PRR16: variants seen among roughly 807,000 people sequenced by gnomAD.
PRR16 encodes the protein protein Largen.
PRR16 carries 6 observed loss-of-function variants against 18.2 expected under a neutral mutation model. The ratio of observed to expected loss-of-function variants is 0.33; its 90% confidence interval spans 0.18 to 0.65. PRR16 has a LOEUF of 0.65. PRR16 is among the 30% of genes least tolerant of loss of function. The probability of loss-of-function intolerance (pLI) is 0.74; values close to 1 mark genes in which losing one functional copy is unlikely to be tolerated. For synonymous variants in PRR16, 151 were observed against 147.8 expected (o/e 1.02, Z -0.16); for missense variants, 412 against 376.6 (o/e 1.09, Z -0.78).
At chr5:120,483,408 G>A (rs892286598) in intron 1 of PRR16, among the ~76,000 whole-genome samples, 1 of 151,572 alleles carries the variant, frequency 6.6e-6, no homozygotes, top group African/African-American at 2.4e-5. Context: ...CCTTTTCAAA[G>A]TAAGGTTTAT....
chr5:120,610,441 T>C (rs1001723441), intron 1 of PRR16, among the ~76,000 whole-genome samples: 37 of 93,784 alleles, frequency 3.9e-4, no homozygotes, highest in African/African-American at 1.0e-3. Flanking sequence ...CATACTGATA[T>C]GGTTTGGCTA....
At chr5:120,625,479 C>T (rs971481250) in intron 1 of PRR16, among the ~76,000 whole-genome samples, 13 of 152,174 alleles carry the variant, frequency 8.5e-5, no homozygotes, top group African/African-American at 2.4e-4. Flanking sequence ...CTGGGACTAT[C>T]GATGTGATCC....
At chr5:120,745,682 TTTA>T in the PRR16 span, among the ~76,000 whole-genome samples, 3 of 151,336 alleles carry the variant, frequency 2.0e-5, no homozygotes, top group Non-Finnish European at 2.9e-5. Flanking sequence ...TTGTATTTAT[TTTA>T]TTATTTATTT....
the PRR16 span, among the ~76,000 whole-genome samples, chr5:120,783,605 G>T: frequency 6.6e-6 from 1 of 152,114 alleles, no homozygotes; most frequent in Middle Eastern, 3.4e-3. Context: ...CATAATAGTT[G>T]TATGTATTTA....
the PRR16 span, among the ~76,000 whole-genome samples, chr5:120,710,212 G>A: frequency 6.6e-6 from 1 of 152,112 alleles, no homozygotes; most frequent in African/African-American, 2.4e-5. Flanking sequence ...GAATTTCCCT[G>A]ATGACTTTGC....
At chr5:120,575,120 G>C (rs1389259402) in intron 1 of PRR16, among the ~76,000 whole-genome samples, 1 of 136,262 alleles carries the variant, frequency 7.3e-6, no homozygotes, top group Non-Finnish European at 1.5e-5. Flanking sequence ...TTTGTCAAAG[G>C]TATGTATGTG....
intron 1 of PRR16, among the ~76,000 whole-genome samples, chr5:120,586,583 A>G (rs907860728): frequency 2.6e-5 from 4 of 152,060 alleles, no homozygotes; most frequent in African/African-American, 9.7e-5. Flanking sequence ...AGTTATGGTG[A>G]TCTGTGATCA....
intron 1 of PRR16, among the ~76,000 whole-genome samples, chr5:120,493,744 A>G (rs1023518856): frequency 1.3e-5 from 2 of 152,182 alleles, no homozygotes; most frequent in East Asian, 1.9e-4. Context: ...CATTTCTATA[A>G]TTTATCTTTT....
chr5:120,744,431 T>C, the PRR16 span, among the ~76,000 whole-genome samples: 1 of 152,342 alleles, frequency 6.6e-6, no homozygotes, highest in African/African-American at 2.4e-5. Flanking sequence ...TCTTTAGTTC[T>C]GGGTGTTACC....
intron 1 of PRR16, among the ~76,000 whole-genome samples, chr5:120,559,528 T>C (rs1752513664): frequency 6.6e-6 from 1 of 152,000 alleles, no homozygotes; most frequent in African/African-American, 2.4e-5. Flanking sequence ...CCTGTTTTTA[T>C]GTTAGTACCA....
the PRR16 span, among the ~76,000 whole-genome samples, chr5:120,768,911 A>G: frequency 1.3e-5 from 2 of 151,814 alleles, no homozygotes; most frequent in African/African-American, 4.8e-5. Context: ...AATTAAAACG[A>G]TGTCATTCAT....
chr5:120,714,734 C>A, the PRR16 span, among the ~76,000 whole-genome samples: 2 of 152,024 alleles, frequency 1.3e-5, no homozygotes, highest in Non-Finnish European at 2.9e-5. Context: ...GACATGGAAC[C>A]AACTCAAAGG....
the PRR16 span, among the ~76,000 whole-genome samples, chr5:120,776,780 G>T: frequency 1.3e-5 from 2 of 151,828 alleles, no homozygotes; most frequent in African/African-American, 2.4e-5. Flanking sequence ...TGCAGAATAG[G>T]GTCAAAATTA....
chr5:120,774,544 TTCACAG>T, the PRR16 span, among the ~76,000 whole-genome samples: 4 of 152,108 alleles, frequency 2.6e-5, no homozygotes, highest in African/African-American at 9.7e-5. Flanking sequence ...CATTCTACAG[TTCACAG>T]GCAAGTCTCT....
chr5:120,605,442 C>T (rs879543616), intron 1 of PRR16, among the ~76,000 whole-genome samples: 7 of 151,978 alleles, frequency 4.6e-5, no homozygotes, highest in Admixed American at 6.6e-5. Flanking sequence ...TACTGATTTC[C>T]TTTGATTGGG....
At chr5:120,531,220 T>G (rs979916517) in intron 1 of PRR16, among the ~76,000 whole-genome samples, 1 of 152,124 alleles carries the variant, frequency 6.6e-6, no homozygotes, top group African/African-American at 2.4e-5. Context: ...TTTCCCTCTT[T>G]AGTGGTGGTA....
At chr5:120,670,094 A>C (rs2150145610) in intron 1 of PRR16, among the ~76,000 whole-genome samples, 1 of 152,292 alleles carries the variant, frequency 6.6e-6, no homozygotes, top group South Asian at 2.1e-4. Context: ...GACATGTGAA[A>C]AGTGATAAAT....
chr5:120,626,350 T>A (rs1754865223), intron 1 of PRR16, among the ~76,000 whole-genome samples: 1 of 151,988 alleles, frequency 6.6e-6, no homozygotes, highest in Non-Finnish European at 1.5e-5. Context: ...AAACAGTATG[T>A]TAAGTAAAAG....
chr5:120,749,299 A>G, the PRR16 span, among the ~76,000 whole-genome samples: 1 of 152,142 alleles, frequency 6.6e-6, no homozygotes, highest in Non-Finnish European at 1.5e-5. Flanking sequence ...CAAATTTTAG[A>G]AGCACAAAAT....
Sources: gnomAD v4.1 joint callset for allele counts (sites outside exome capture counted in the v4.1 genomes callset) on GRCh38, gnomAD v4.1.1 for gene constraint, MANE v1.5 for transcripts, NCBI Gene and HGNC (gene_info 2026-07-23, HGNC 2026-07-21) for gene names.